Variants in ROR1 observed in about 807,000 individuals in gnomAD.
ROR1 encodes ROR family WNT receptor 1.
In ROR1, 19 loss-of-function variants were observed where a neutral mutation model predicts 78.8. The ratio of observed to expected loss-of-function variants is 0.24; its 90% CI spans 0.17 to 0.35. The LOEUF is 0.35. ROR1 is among the 10% of genes least tolerant of loss of function. The pLI is 1.00. For missense variants in ROR1, 917 were observed against 1,177.8 expected (o/e 0.78, Z 3.24); for synonymous variants, 386 against 433.6 (o/e 0.89, Z 1.36).
At chr1:64,109,556 G>A (rs577705091) in intron 4 of ROR1, among the ~76,000 whole-genome samples, 1 of 152,202 alleles carries the variant, frequency 6.6e-6, no homozygotes, top group African/African-American at 2.4e-5. Flanking sequence ...GAAGAGCCCT[G>A]TAGGCAAAGT....
intron 1 of ROR1, among the ~76,000 whole-genome samples, chr1:63,955,063 T>A (rs535187364): frequency 1.3e-4 from 20 of 152,106 alleles, no homozygotes; most frequent in African/African-American, 4.8e-4. Flanking sequence ...ACATATTGGG[T>A]GGTGACAAGC....
chr1:64,170,061 G>T (rs1367277440), intron 8 of ROR1, among the ~76,000 whole-genome samples: 1 of 152,186 alleles, frequency 6.6e-6, no homozygotes, highest in Non-Finnish European at 1.5e-5. Flanking sequence ...CAAGCTGTTG[G>T]TGGGTCTACC....
chr1:64,043,418 C>G (rs947079219), intron 2 of ROR1, among the ~76,000 whole-genome samples: 1 of 152,198 alleles, frequency 6.6e-6, no homozygotes, highest in Non-Finnish European at 1.5e-5. Context: ...GAAATAGAGT[C>G]TCAATTCCCA....
chr1:64,108,723 C>G (rs1465575288), intron 4 of ROR1, among the ~76,000 whole-genome samples: 1 of 152,022 alleles, frequency 6.6e-6, no homozygotes, highest in Non-Finnish European at 1.5e-5. Flanking sequence ...CAATGACAGT[C>G]TAAAATGGAA....
intron 1 of ROR1, among the ~76,000 whole-genome samples, chr1:63,983,227 T>C (rs1186979150): frequency 6.6e-6 from 1 of 152,158 alleles, no homozygotes; most frequent in African/African-American, 2.4e-5. Flanking sequence ...ATTTTACAGA[T>C]ATGGAAACGG....
chr1:63,910,610 C>T (rs1645562821), intron 1 of ROR1, among the ~76,000 whole-genome samples: 1 of 152,176 alleles, frequency 6.6e-6, no homozygotes, highest in South Asian at 2.1e-4. Flanking sequence ...TAACTAACCT[C>T]CTATGACCCC....
At chr1:64,005,170 A>C (rs535759814) in intron 1 of ROR1, among the ~76,000 whole-genome samples, 11 of 152,338 alleles carry the variant, frequency 7.2e-5, no homozygotes, top group African/African-American at 2.6e-4. Flanking sequence ...AACCAAGTAC[A>C]TCCATGCAGA....
intron 7 of ROR1, among the ~76,000 whole-genome samples, chr1:64,157,345 C>G (rs958874184): frequency 6.6e-6 from 1 of 152,002 alleles, no homozygotes; most frequent in Non-Finnish European, 1.5e-5. Context: ...CGCCATGTTG[C>G]CTAGGCTGGT....
intron 1 of ROR1, among the ~76,000 whole-genome samples, chr1:63,808,237 G>A (rs1223483479): frequency 6.6e-6 from 1 of 152,132 alleles, no homozygotes; most frequent in East Asian, 1.9e-4. Context: ...AAGGAAAGCA[G>A]TGGGCCATCT....
chr1:63,879,839 C>G (rs1569855422), intron 1 of ROR1, among the ~76,000 whole-genome samples: 1 of 152,104 alleles, frequency 6.6e-6, no homozygotes, highest in Non-Finnish European at 1.5e-5. Context: ...TTTGTAGAAA[C>G]ATTTCTACTT....
intron 1 of ROR1, among the ~76,000 whole-genome samples, chr1:63,794,944 G>A (rs955049510): frequency 1.3e-5 from 2 of 152,000 alleles, no homozygotes; most frequent in Non-Finnish European, 1.5e-5. Context: ...CATAATAACC[G>A]GAGGAATTAG....
At chr1:63,788,062 A>T (rs549630307) in intron 1 of ROR1, among the ~76,000 whole-genome samples, 252 of 152,324 alleles carry the variant, frequency 1.7e-3, no homozygotes, top group Non-Finnish European at 2.5e-3. Context: ...GAGGTCTGAC[A>T]GCCTGCCAAT....
chr1:64,020,852 T>C (rs1350004285), intron 2 of ROR1, among the ~76,000 whole-genome samples: 1 of 152,144 alleles, frequency 6.6e-6, no homozygotes, highest in Non-Finnish European at 1.5e-5. Flanking sequence ...AAAACTTCTT[T>C]TAGACAAACT....
chr1:64,160,751 G>GT lies in ROR1; in HGVS notation c.1386+1560dup, dbSNP rs552237626. Among the ~76,000 whole-genome samples the GT allele has an allele frequency of 7.2e-5, 11 of 152,262 alleles. No homozygotes were observed. In the South Asian group the frequency reaches 2.3e-3, roughly 32 times the overall value. ...TAGCTCATGACTTCAAGCTTCTAGT[G>GT]TAAGAGTCATTGTTCCATGAGACTC... is the stretch of plus-strand genomic sequence containing the variant. On this transcript the variant is annotated intron_variant, in intron 8 of 8. Transcript: ENST00000371079.
rs1644604614 is a variant in ROR1, at chr1:63,774,917, C to G, written c.91+409C>G. ...TCCTGCCCCCAAGTTGCGAGCCGGC[C>G]CGGAAGGCGCGGTCCAGGAGGGAGT... On this transcript the variant is annotated intron_variant, in intron 1 of 8. Coordinates refer to ENST00000371079, the MANE Select transcript of ROR1 (RefSeq NM_005012.4). The surrounding 1 kb of genome is among the most constrained non-coding windows in gnomAD (Gnocchi z 5.7). Among the ~76,000 whole-genome samples, 2 of 152,132 alleles carry G rather than the reference C, an allele frequency of 1.3e-5. No individual in the cohort carries two copies. Among genetic ancestry groups the G allele is most frequent in the Non-Finnish European group, 2.9e-5 (2 of 68,020 alleles).
At chr1:63,775,526 C>G (rs1464584098) in intron 1 of ROR1, 5 of 152,184 alleles carry the variant, frequency 3.3e-5, no homozygotes, top group Non-Finnish European at 7.3e-5. Context: ...ACTCCCAGCC[C>G]TAAACCTGAG....
intron 1 of ROR1, among the ~76,000 whole-genome samples, chr1:64,005,255 A>G (rs991438473): frequency 6.6e-6 from 1 of 152,238 alleles, no homozygotes; most frequent in Non-Finnish European, 1.5e-5. Context: ...GACACTGTAC[A>G]GGAGTCTTTT....
At chr1:64,089,290 G>C (rs1318437758) in intron 4 of ROR1, among the ~76,000 whole-genome samples, 1 of 151,866 alleles carries the variant, frequency 6.6e-6, no homozygotes, top group Non-Finnish European at 1.5e-5. Flanking sequence ...GCTCACTGCA[G>C]ACTCAACTTC....
At chr1:63,890,464 A>G (rs1018096635) in intron 1 of ROR1, among the ~76,000 whole-genome samples, 9 of 151,052 alleles carry the variant, frequency 6.0e-5, no homozygotes, top group Non-Finnish European at 1.2e-4. Flanking sequence ...GATGAAAAAG[A>G]CTAATTTCCT....
Sources: allele counts gnomAD v4.1 joint callset (sites outside exome capture counted in the v4.1 genomes callset), GRCh38; gene constraint gnomAD v4.1.1; non-coding constraint Gnocchi (gnomAD v3.1); transcripts MANE v1.5; gene names NCBI Gene and HGNC (gene_info 2026-07-23, HGNC 2026-07-21).